The following PCDHGA12 variants were observed in gnomAD, a reference collection of about 807,000 sequenced individuals.
The protein encoded by PCDHGA12 is protocadherin gamma-A12.
In PCDHGA12, 43 loss-of-function variants were observed where a neutral mutation model predicts 61.1. The ratio of observed to expected loss-of-function variants is 0.70; its 90% CI spans 0.55 to 0.91. The LOEUF is 0.91. Ranked by LOEUF, PCDHGA12 falls within the 40% of genes least tolerant of loss-of-function variation. PCDHGA12 has a pLI of 0.00. For missense variants in PCDHGA12, 1,236 were observed against 1,227.7 expected, an observed-to-expected ratio of 1.01 and a Z score of -0.10; for synonymous variants, 520 against 542.9, an observed-to-expected ratio of 0.96 and a Z score of 0.59.
At chr5:141,458,594 G>T (rs1226490392) in intron 1 of PCDHGA12, among the ~76,000 whole-genome samples, 1 of 151,612 alleles carries the variant, frequency 6.6e-6, no homozygotes, top group Non-Finnish European at 1.5e-5. Context: ...TTTTGGAGAC[G>T]AGTCTCACTC....
At chr5:141,448,480 C>A (rs889742803) in intron 1 of PCDHGA12, among the ~76,000 whole-genome samples, 1 of 152,184 alleles carries the variant, frequency 6.6e-6, no homozygotes, top group Admixed American at 6.6e-5. Flanking sequence ...ACCCTTGCTT[C>A]CTCCTGTCCC....
chr5:141,493,808 C>T lies in PCDHGA12; in HGVS notation c.2425-999C>T, dbSNP rs2099750260. On this transcript the variant is annotated intron_variant, in intron 1 of 3. Transcript: ENST00000252085. The surrounding 1 kb of genome is among the most constrained non-coding windows in gnomAD (Gnocchi z 4.3). ...CTTCTCCCTGGAGTAATCTGAGATA[C>T]TCACACTCTCTGCTTCTGGGAGCAA... is the stretch of plus-strand genomic sequence containing the variant. 6.6e-6 allele frequency among the ~76,000 whole-genome samples: 1 copy of T among 152,200 alleles called. No individual in the cohort carries two copies. The highest frequency in any genetic ancestry group is 1.5e-5 in the Non-Finnish European group (1 of 68,042).
intron 1 of PCDHGA12, among the ~76,000 whole-genome samples, chr5:141,452,578 C>T (rs2098744735): frequency 6.6e-6 from 1 of 152,150 alleles, no homozygotes; most frequent in African/African-American, 2.4e-5. Flanking sequence ...TCCCCCTTTC[C>T]ATCTTTGTAT....
At chr5:141,455,920 C>A (rs941360102) in intron 1 of PCDHGA12, among the ~76,000 whole-genome samples, 1 of 147,944 alleles carries the variant, frequency 6.8e-6, no homozygotes, top group Non-Finnish European at 1.5e-5. Flanking sequence ...TATTTTGAGA[C>A]GGAGTCTCGC....
intron 3 of PCDHGA12, among the ~76,000 whole-genome samples, chr5:141,507,772 A>C (rs2099863177): frequency 6.6e-6 from 1 of 152,332 alleles, no homozygotes; most frequent in South Asian, 2.1e-4. Flanking sequence ...TGGCCCACAC[A>C]GGGCCTGACC....
At position 141,485,731 on chromosome 5, in the gene PCDHGA12, C is replaced by G; in HGVS notation, c.2425-9076C>G. 6.2e-7 allele frequency: 1 copy of G among 1,614,152 alleles called. No homozygotes were observed. Among genetic ancestry groups the G allele is most frequent in the Non-Finnish European group, 8.5e-7 (1 of 1,180,022 alleles). ...TTGCACTGGATGTGAAGAAGCGCAG[C>G]GACGGCAGCCTGGTCCCAGAGCTGC... On this transcript the variant is annotated intron_variant, in intron 1 of 3. Transcript: ENST00000252085. The surrounding 1 kb of genome is among the most constrained non-coding windows in gnomAD (Gnocchi z 5.7).
chr5:141,474,685 T>G (rs1562045980), intron 1 of PCDHGA12, among the ~76,000 whole-genome samples: 1 of 152,224 alleles, frequency 6.6e-6, no homozygotes, highest in Non-Finnish European at 1.5e-5. Flanking sequence ...GCCTACCCCT[T>G]CACTTATGTT....
intron 1 of PCDHGA12, among the ~76,000 whole-genome samples, chr5:141,484,821 G>A (rs1367529999): frequency 6.6e-6 from 1 of 152,122 alleles, no homozygotes; most frequent in Admixed American, 6.5e-5. Context: ...CGTTGAGCGG[G>A]AGGAAGGCGA....
rs189734474 is a variant in PCDHGA12, at chr5:141,512,858, G to T, written c.*1685G>T. 1 of 152,296 alleles carries T rather than the reference G, an allele frequency of 6.6e-6. No individual in the cohort carries two copies. The highest frequency in any genetic ancestry group is 1.9e-4 in the East Asian group (1 of 5,182). 9.4% of individuals were successfully genotyped at this position (152,296 alleles called of 1,614,324 possible). ...ACTTCTCCTATAAGCGCTTCTCTTC[G>T]CATAGTCACGTAGCTCCCACCCCAC... On this transcript the variant is annotated 3_prime_UTR_variant, in exon 4 of 4. Coordinates refer to ENST00000252085, the MANE Select transcript of PCDHGA12 (RefSeq NM_003735.3).
intron 1 of PCDHGA12, chr5:141,478,808 T>A: frequency 3.4e-6 from 5 of 1,459,124 alleles, no homozygotes; most frequent in Non-Finnish European, 4.5e-6. Context: ...TCTTTTGCTA[T>A]CACAACTAAC....
chr5:141,431,450 A>T lies in PCDHGA12; in HGVS notation c.691A>T (p.Met231Leu), dbSNP rs1468567743. 1 of 1,613,740 alleles carries T rather than the reference A, an allele frequency of 6.2e-7. No homozygotes were observed. Among genetic ancestry groups the T allele is most frequent in the Admixed American group, 1.7e-5 (1 of 60,032 alleles). ...VRTGTARIRV[M>L]VLDANDNAPA... ...CACAGGCACCGCGCGCATCCGCGTG[A>T]TGGTTCTGGATGCGAACGACAACGC... The change falls in exon 1 of 4, where the codon ATG becomes TTG. Residue 231 changes from methionine (M) to leucine (L), a missense_variant. By Grantham distance (15) the Met-to-Leu change is conservative. Transcript: ENST00000252085. This position sits in a 1 kb window ranked among gnomAD's most constrained non-coding sequence, Gnocchi z 4.8.
Position 141,485,598 on chromosome 5 carries a change from T to C in PCDHGA12, c.2425-9209T>C, listed in dbSNP as rs931717579. 25 of 1,612,028 alleles carry C rather than the reference T, an allele frequency of 1.6e-5. No individual in the cohort carries two copies. Among genetic ancestry groups the C allele is most frequent in the African/African-American group, 2.7e-5 (2 of 74,838 alleles). ...CCGCGGCAGCAGCTGGACTTGGAAA[T>C]TGGGGAGGCAGCTCCTCCAGGACAG... On this transcript the variant is annotated intron_variant, in intron 1 of 3. Transcript: ENST00000252085. This position sits in a 1 kb window ranked among gnomAD's most constrained non-coding sequence, Gnocchi z 5.7.
At position 141,489,861 on chromosome 5, in the gene PCDHGA12, A is replaced by G. The variant is rs1221756350; in HGVS notation, c.2425-4946A>G. The G allele has an allele frequency of 1.2e-5, 19 of 1,614,058 alleles. No individual in the cohort carries two copies. Among genetic ancestry groups the G allele is most frequent in the Non-Finnish European group, 1.5e-5 (18 of 1,179,998 alleles). On this transcript the variant is annotated intron_variant, in intron 1 of 3. Transcript: ENST00000252085. The surrounding 1 kb of genome is among the most constrained non-coding windows in gnomAD (Gnocchi z 4.5). ...AGCTGGATCGTGAAGCCCAGGCAAGACATCAGCTGGTGCTTACTGCTGTGG... is the reference window on the plus strand; with the variant it reads ...AGCTGGATCGTGAAGCCCAGGCAAGGCATCAGCTGGTGCTTACTGCTGTGG...
At chr5:141,440,983 G>A (rs2154559140) in intron 1 of PCDHGA12, 1 of 152,314 alleles carries the variant, frequency 6.6e-6, no homozygotes, top group South Asian at 2.1e-4. Flanking sequence ...TCACAACCCA[G>A]AGTACCCATA....
At chr5:141,453,552 A>G (rs1005017830) in intron 1 of PCDHGA12, among the ~76,000 whole-genome samples, 2 of 152,188 alleles carry the variant, frequency 1.3e-5, no homozygotes, top group Non-Finnish European at 2.9e-5. Flanking sequence ...CACACTCTGT[A>G]GATAATCGAT....
intron 1 of PCDHGA12, among the ~76,000 whole-genome samples, chr5:141,459,660 T>C (rs73280323): frequency 7.9e-4 from 120 of 152,386 alleles, no homozygotes; most frequent in African/African-American, 2.7e-3. Flanking sequence ...AATATCACTT[T>C]ACATTTTCAT....
At chr5:141,499,397 T>A (rs1171838687) in intron 2 of PCDHGA12, among the ~76,000 whole-genome samples, 2 of 152,122 alleles carry the variant, frequency 1.3e-5, no homozygotes, top group African/African-American at 4.8e-5. Flanking sequence ...AAATAGTACA[T>A]GCTCATTATA....
chr5:141,497,825 C>T (rs1015168533), intron 2 of PCDHGA12, among the ~76,000 whole-genome samples: 3 of 152,154 alleles, frequency 2.0e-5, no homozygotes, highest in Admixed American at 6.5e-5. Context: ...CAGGTGTGAT[C>T]GCCCCCGGCC....
intron 1 of PCDHGA12, among the ~76,000 whole-genome samples, chr5:141,474,763 A>G (rs2099354251): frequency 6.6e-6 from 1 of 152,254 alleles, no homozygotes; most frequent in Non-Finnish European, 1.5e-5. Flanking sequence ...ATATACAGAA[A>G]TAGTATGAGG....
Sources: gnomAD v4.1 joint callset for allele counts (sites outside exome capture counted in the v4.1 genomes callset) on GRCh38, gnomAD v4.1.1 for gene constraint, Gnocchi (gnomAD v3.1) non-coding constraint, MANE v1.5 for transcripts, NCBI Gene and HGNC (gene_info 2026-07-23, HGNC 2026-07-21) for gene names.